VSIG1: variants seen among roughly 807,000 people sequenced by gnomAD.
VSIG1 encodes the protein V-set and immunoglobulin domain-containing protein 1.
A neutral mutation model predicts 20.1 loss-of-function variants in VSIG1; 11 were observed. That is an observed-to-expected ratio of 0.55 (90% CI 0.34 to 0.91). The LOEUF (loss-of-function observed/expected upper bound fraction) is 0.91. Among genes scored for constraint, VSIG1 ranks in the 40% least tolerant of loss-of-function variants. VSIG1 has a pLI of 0.02. For missense variants in VSIG1, 283 were observed against 298.8 expected, an observed-to-expected ratio of 0.95 and a Z score of 0.39; for synonymous variants, 126 against 116.7, an observed-to-expected ratio of 1.08 and a Z score of -0.52.
At chrX:108,050,505 C>A (rs948876147) in intron 1 of VSIG1, among the ~76,000 whole-genome samples, 3 of 112,285 alleles carry the variant, frequency 2.7e-5, no homozygotes, top group Non-Finnish European at 3.8e-5. Flanking sequence ...CAATGCAATG[C>A]ATAGCAACCA....
chrX:108,068,448 G>T (rs902258816), intron 3 of VSIG1, among the ~76,000 whole-genome samples: 5 of 111,646 alleles, frequency 4.5e-5, no homozygotes, highest in African/African-American at 1.6e-4. Flanking sequence ...AGGTTTAATT[G>T]TCTCACGGTT....
upstream of VSIG1, chrX:108,045,046 CGGTGT>C: frequency 1.2e-6 from 1 of 845,365 alleles, no homozygotes; most frequent in Non-Finnish European, 1.6e-6. Flanking sequence ...AGGCAAACCT[CGGTGT>C]GATCGAAGAA....
At chrX:108,043,414 C>A (rs757088678), upstream of VSIG1, among the ~76,000 whole-genome samples, 1 of 111,852 alleles carries the variant, frequency 8.9e-6, no homozygotes, top group African/African-American at 3.2e-5. Context: ...TGGTCCCTAC[C>A]CTGGAGGGAT....
chrX:108,062,845 G>C (rs1270038412), intron 2 of VSIG1, among the ~76,000 whole-genome samples: 1 of 112,148 alleles, frequency 8.9e-6, no homozygotes, highest in Non-Finnish European at 1.9e-5. Flanking sequence ...TGGGTGGTTT[G>C]CTGTGGATGT....
At chrX:108,032,023 T>A in the VSIG1 span, among the ~76,000 whole-genome samples, 3 of 111,988 alleles carry the variant, frequency 2.7e-5, no homozygotes, top group African/African-American at 9.7e-5. Flanking sequence ...CACTTGTTGT[T>A]CCCTCTGCTT....
chrX:108,029,370 C>G, the VSIG1 span, among the ~76,000 whole-genome samples: 3 of 111,083 alleles, frequency 2.7e-5, no homozygotes, highest in Admixed American at 9.6e-5. Context: ...CCAGGCTGTT[C>G]GAGTTGTAAT....
chrX:108,019,177 T>C, the VSIG1 span, among the ~76,000 whole-genome samples: 1 of 111,888 alleles, frequency 8.9e-6, no homozygotes, highest in African/African-American at 3.3e-5. Context: ...TTGAGAGGGC[T>C]GGTGCCCAGA....
chrX:108,050,058 A>G (rs2030750738), intron 1 of VSIG1, among the ~76,000 whole-genome samples: 1 of 112,539 alleles, frequency 8.9e-6, no homozygotes, highest in Non-Finnish European at 1.9e-5. Flanking sequence ...ATTGGTTGCC[A>G]TGTAAACAGC....
intron 4 of VSIG1, 62 bp from the exon 5 acceptor site, chrX:108,073,188 T>C: frequency 8.6e-7 from 1 of 1,165,512 alleles, no homozygotes; most frequent in African/African-American, 1.8e-5. Context: ...AGTGATCTGT[T>C]ACACTGATGT....
the VSIG1 span, among the ~76,000 whole-genome samples, chrX:108,030,382 G>A: frequency 3.8e-3 from 421 of 111,846 alleles, 2 homozygotes; most frequent in African/African-American, 0.013. Context: ...ATTGGAGCAC[G>A]TGAGTGGGAA....
chrX:108,038,512 T>C, the VSIG1 span, among the ~76,000 whole-genome samples: 1 of 112,321 alleles, frequency 8.9e-6, no homozygotes, highest in Non-Finnish European at 1.9e-5. Context: ...ATACTGGGTA[T>C]ATACCCAAAG....
chrX:108,030,929 G>A, the VSIG1 span, among the ~76,000 whole-genome samples: 2 of 112,092 alleles, frequency 1.8e-5, no homozygotes, highest in South Asian at 3.8e-4. Flanking sequence ...TAAAATAAAA[G>A]GAGACAAAGT....
the VSIG1 span, among the ~76,000 whole-genome samples, chrX:108,039,032 A>G: frequency 9.0e-6 from 1 of 111,703 alleles, no homozygotes; most frequent in African/African-American, 3.3e-5. Context: ...CACATTGGAC[A>G]GCACAACTGT....
chrX:108,048,345 T>A (rs967918282), intron 1 of VSIG1, among the ~76,000 whole-genome samples: 1 of 111,804 alleles, frequency 8.9e-6, no homozygotes, highest in Non-Finnish European at 1.9e-5. Context: ...ACATCTTGGA[T>A]TATTTTTCTT....
chrX:108,058,954 A>G (rs1458435046), intron 2 of VSIG1, among the ~76,000 whole-genome samples: 1 of 110,161 alleles, frequency 9.1e-6, no homozygotes, highest in Non-Finnish European at 1.9e-5. Flanking sequence ...GTGTGTGCGC[A>G]TGCATATGCA....
chrX:108,034,690 T>A, the VSIG1 span, among the ~76,000 whole-genome samples: 2 of 112,474 alleles, frequency 1.8e-5, no homozygotes, highest in Non-Finnish European at 3.7e-5. Flanking sequence ...TAGTAACTTA[T>A]ATAGTTTTTA....
intron 2 of VSIG1, among the ~76,000 whole-genome samples, chrX:108,063,211 G>T (rs186224311): frequency 8.6e-4 from 96 of 111,744 alleles, no homozygotes; most frequent in Non-Finnish European, 1.6e-3. Context: ...GCAGGAGAAA[G>T]GTTGGGCTGG....
At chrX:108,033,212 C>G in the VSIG1 span, among the ~76,000 whole-genome samples, 1 of 112,053 alleles carries the variant, frequency 8.9e-6, no homozygotes, top group Non-Finnish European at 1.9e-5. Flanking sequence ...TTGCACCTCT[C>G]CCTCTCCCAG....
At chrX:108,076,041 A>T in intron 5 of VSIG1, 36 bp from the exon 6 acceptor site, 3 of 1,204,075 alleles carry the variant, frequency 2.5e-6, no homozygotes, top group Non-Finnish European at 3.4e-6. Flanking sequence ...ATGACAATAT[A>T]TTCCACTTTA....
Sources: allele counts gnomAD v4.1 joint callset (sites outside exome capture counted in the v4.1 genomes callset), GRCh38; gene constraint gnomAD v4.1.1; transcripts MANE v1.5; gene names NCBI Gene and HGNC (gene_info 2026-07-23, HGNC 2026-07-21).